ATG10: variants seen among roughly 807,000 people sequenced by gnomAD.
ATG10 encodes ubiquitin-like-conjugating enzyme ATG10.
ATG10 carries 30 observed loss-of-function variants against 32.1 expected under a neutral mutation model. The observed-to-expected ratio is 0.94, with a 90% CI of 0.70 to 1.27. The LOEUF is 1.27. Ranked by LOEUF, ATG10 falls within the 50% of genes most tolerant of loss-of-function variation. ATG10 has a pLI of 0.00. For synonymous variants in ATG10, 87 were observed against 91.5 expected (o/e 0.95, Z 0.28); for missense variants, 233 against 262.3 (o/e 0.89, Z 0.77).
At chr5:82,139,757 C>T (rs62365412) in intron 3 of ATG10, among the ~76,000 whole-genome samples, 103,736 of 104,446 alleles carry the variant, frequency 0.99, 51,519 homozygotes, top group East Asian at 1. Context: ...GTCCGGGAGG[C>T]GAGGGGCGCC....
intron 2 of ATG10, among the ~76,000 whole-genome samples, chr5:82,045,850 C>G (rs1763220060): frequency 2.6e-5 from 4 of 152,024 alleles, no homozygotes; most frequent in Admixed American, 2.0e-4. Flanking sequence ...TGGTACTGAT[C>G]CAAGAAGTGA....
At chr5:82,152,770 AC>A (rs1220165241) in intron 3 of ATG10, among the ~76,000 whole-genome samples, 1 of 150,912 alleles carries the variant, frequency 6.6e-6, no homozygotes, top group Admixed American at 6.6e-5. Flanking sequence ...ATATAGAAAT[AC>A]ATATTCATAA....
At chr5:82,095,952 C>A (rs1045101891) in intron 3 of ATG10, among the ~76,000 whole-genome samples, 13 of 152,186 alleles carry the variant, frequency 8.5e-5, no homozygotes, top group Admixed American at 7.2e-4. Flanking sequence ...CTCTTTTACA[C>A]CCCTGTGATG....
At chr5:82,139,145 T>A (rs1766921867) in intron 3 of ATG10, among the ~76,000 whole-genome samples, 1 of 144,168 alleles carries the variant, frequency 6.9e-6, no homozygotes, top group South Asian at 2.3e-4. Context: ...CACTCAGTGC[T>A]CAATGGTGCC....
intron 3 of ATG10, among the ~76,000 whole-genome samples, chr5:82,143,767 G>T (rs1249087544): frequency 6.6e-6 from 1 of 152,106 alleles, no homozygotes; most frequent in Non-Finnish European, 1.5e-5. Context: ...AACATATTTT[G>T]GTGGGAGACG....
At chr5:82,240,448 C>A (rs568940258) in intron 5 of ATG10, among the ~76,000 whole-genome samples, 118 of 152,062 alleles carry the variant, frequency 7.8e-4, no homozygotes, top group African/African-American at 2.8e-3. Flanking sequence ...CTCACTCATA[C>A]GAGGAAGTTA....
chr5:81,979,689 CT>C lies in ATG10; in HGVS notation c.-13+7400del, dbSNP rs35202555. 4.4e-3 allele frequency among the ~76,000 whole-genome samples: 548 copies of C among 123,764 alleles called. 3 individuals are homozygous for C. The highest frequency in any genetic ancestry group is 8.5e-3 in the Middle Eastern group (2 of 236). The allele number at this position is 123,764 out of a possible 152,430, so 81.2% of individuals were successfully genotyped here. A position where few individuals can be genotyped will look rare whatever the true frequency, so the allele number is the denominator to read the frequency against. ...TGATTTTTGCTAATTGTAGGTAAACCTTTTTTTTTTTTTTTTTGCCTGCATC... is the reference window on the plus strand; with the variant it reads ...TGATTTTTGCTAATTGTAGGTAAACCTTTTTTTTTTTTTTTTGCCTGCATC... On this transcript the variant is annotated intron_variant, in intron 1 of 7. Transcript: ENST00000282185.
At chr5:81,993,360 C>CTTTTCTTTGCTT in intron 2 of ATG10, among the ~76,000 whole-genome samples, 1 of 46,772 alleles carries the variant, frequency 2.1e-5, no homozygotes, top group Non-Finnish European at 4.0e-5. Context: ...TCTTTCTTTC[C>CTTTTCTTTGCTT]TTCTTTTCTT....
intron 5 of ATG10, among the ~76,000 whole-genome samples, chr5:82,230,017 A>C (rs1365356833): frequency 6.6e-6 from 1 of 152,212 alleles, no homozygotes; most frequent in Non-Finnish European, 1.5e-5. Flanking sequence ...CCAAGGACAT[A>C]ATGTGGTTAT....
intron 5 of ATG10, among the ~76,000 whole-genome samples, chr5:82,197,108 T>G (rs72776899): frequency 0.057 from 8,699 of 152,240 alleles, 328 homozygotes; most frequent in Non-Finnish European, 0.079. Flanking sequence ...AGTCTTGAAT[T>G]TTTTCATTAA....
At chr5:82,247,058 GTT>G (rs1054542651) in intron 5 of ATG10, among the ~76,000 whole-genome samples, 7 of 152,116 alleles carry the variant, frequency 4.6e-5, no homozygotes, top group African/African-American at 1.7e-4. Flanking sequence ...CTCTCTTGCT[GTT>G]TTTAAGATTT....
chr5:82,011,690 G>A (rs569997100), intron 2 of ATG10, among the ~76,000 whole-genome samples: 7 of 152,324 alleles, frequency 4.6e-5, no homozygotes, highest in Admixed American at 2.6e-4. Context: ...TCCACTTCCT[G>A]ATGGTTCTGT....
intron 2 of ATG10, among the ~76,000 whole-genome samples, chr5:82,027,017 C>G (rs1388956883): frequency 6.6e-6 from 1 of 151,860 alleles, no homozygotes; most frequent in Non-Finnish European, 1.5e-5. Context: ...CGAGATCACA[C>G]CACTGCACTC....
At chr5:82,096,607 T>C (rs1016311824) in intron 3 of ATG10, among the ~76,000 whole-genome samples, 2 of 152,190 alleles carry the variant, frequency 1.3e-5, no homozygotes, top group African/African-American at 4.8e-5. Context: ...GGGCCAGCTT[T>C]GTCATTGAAG....
chr5:82,033,133 C>A (rs1387621719), intron 2 of ATG10, among the ~76,000 whole-genome samples: 1 of 152,076 alleles, frequency 6.6e-6, no homozygotes, highest in African/African-American at 2.4e-5. Flanking sequence ...TGTTCAGATG[C>A]ACCATAATAT....
At chr5:82,178,668 C>A in intron 5 of ATG10, 81 bp downstream of exon 5, 2 of 906,404 alleles carry the variant, frequency 2.2e-6, no homozygotes, top group Non-Finnish European at 3.6e-6. Flanking sequence ...GTTCCCTCTC[C>A]AACTCTTTTC....
chr5:82,146,694 T>A (rs541515309), intron 3 of ATG10, among the ~76,000 whole-genome samples: 17 of 152,020 alleles, frequency 1.1e-4, no homozygotes, highest in African/African-American at 4.1e-4. Flanking sequence ...TCATCTCCAG[T>A]TTGTTATTAA....
chr5:82,198,399 A>G (rs1047105031), intron 5 of ATG10, among the ~76,000 whole-genome samples: 2 of 152,090 alleles, frequency 1.3e-5, no homozygotes, highest in Non-Finnish European at 2.9e-5. Flanking sequence ...GGTAGTTGGG[A>G]TTACAGGTGT....
At chr5:82,022,225 C>T (rs1235934624) in intron 2 of ATG10, among the ~76,000 whole-genome samples, 3 of 151,522 alleles carry the variant, frequency 2.0e-5, no homozygotes, top group East Asian at 1.9e-4. Context: ...TGGTTGAATC[C>T]GTGGATGCAG....
Sources: gnomAD v4.1 joint callset for allele counts (sites outside exome capture counted in the v4.1 genomes callset) on GRCh38, gnomAD v4.1.1 for gene constraint, MANE v1.5 for transcripts, NCBI Gene and HGNC (gene_info 2026-07-23, HGNC 2026-07-21) for gene names.